HS6ST3: variants seen among roughly 807,000 people sequenced by gnomAD.
HS6ST3 encodes heparan sulfate 6-O-sulfotransferase 3.
A neutral mutation model predicts 36.7 loss-of-function variants in HS6ST3; 12 were observed. The observed-to-expected ratio is 0.33, with a 90% CI of 0.21 to 0.53. The LOEUF is 0.53. Ranked by LOEUF, HS6ST3 falls within the 20% of genes least tolerant of loss-of-function variation. The probability of loss-of-function intolerance (pLI) is 0.95; values close to 1 mark genes in which losing one functional copy is unlikely to be tolerated. For missense variants in HS6ST3, 584 were observed against 640.9 expected (o/e 0.91, Z 0.96); for synonymous variants, 240 against 257.5 (o/e 0.93, Z 0.65).
intron 1 of HS6ST3, among the ~76,000 whole-genome samples, chr13:96,553,576 G>A (rs3899871): frequency 0.086 from 13,115 of 152,198 alleles, 1,041 homozygotes; most frequent in African/African-American, 0.21. Flanking sequence ...GAAAGAGCAG[G>A]TGTAGAGATA....
chr13:96,103,658 G>A (rs1324965885), intron 1 of HS6ST3, among the ~76,000 whole-genome samples: 3 of 152,058 alleles, frequency 2.0e-5, no homozygotes, highest in South Asian at 2.1e-4. Flanking sequence ...TTATATTGAC[G>A]TAAGAAGGCT....
intron 1 of HS6ST3, among the ~76,000 whole-genome samples, chr13:96,798,635 G>T (rs180844146): frequency 1.3e-5 from 2 of 152,060 alleles, no homozygotes; most frequent in African/African-American, 4.8e-5. Flanking sequence ...ATTTCTCTGC[G>T]CCTCAATGTC....
intron 1 of HS6ST3, among the ~76,000 whole-genome samples, chr13:96,360,869 T>A (rs1249959824): frequency 2.7e-5 from 4 of 150,040 alleles, no homozygotes; most frequent in African/African-American, 9.9e-5. Context: ...TACATTGAAC[T>A]TGGGAGGCGG....
rs562474101 is a variant in HS6ST3 at position 96,106,198 on chromosome 13, G to A, written c.707+14629G>A. Among the ~76,000 whole-genome samples, 15 of 152,356 alleles carry A rather than the reference G, an allele frequency of 9.8e-5. No homozygotes were observed. In the South Asian group the frequency reaches 2.9e-3, roughly 29 times the overall value. Reference sequence around the variant, plus strand: ...TCTCTGATACTCTTTCCTTGAAGATGTGAAGCTTAATGCATCCCTTCATGC... The same window carrying A: ...TCTCTGATACTCTTTCCTTGAAGATATGAAGCTTAATGCATCCCTTCATGC... On this transcript the variant is annotated intron_variant, in intron 1 of 1. Coordinates refer to ENST00000376705, the MANE Select transcript of HS6ST3 (RefSeq NM_153456.4).
chr13:96,268,871 T>C (rs1280266554), intron 1 of HS6ST3, among the ~76,000 whole-genome samples: 1 of 151,842 alleles, frequency 6.6e-6, no homozygotes, highest in African/African-American at 2.4e-5. Context: ...ATGAATCACA[T>C]TCCTTCAAAT....
chr13:96,657,826 A>G lies in HS6ST3; in HGVS notation c.708-174664A>G, dbSNP rs143755895. On this transcript the variant is annotated intron_variant, in intron 1 of 1. Coordinates refer to ENST00000376705, the MANE Select transcript of HS6ST3 (RefSeq NM_153456.4). ...CAGTGGAAATTCAGTGTTTGAAATTACCACCCAGGCAATGTGAAGAACAAG... is the reference window on the plus strand; with the variant it reads ...CAGTGGAAATTCAGTGTTTGAAATTGCCACCCAGGCAATGTGAAGAACAAG... Among the ~76,000 whole-genome samples the G allele has an allele frequency of 6.6e-5, 10 of 152,276 alleles. No individual in the cohort carries two copies. The East Asian group carries it at 1.9e-3, about 29-fold the overall frequency.
chr13:96,481,370 G>GA (rs2055889375), intron 1 of HS6ST3, among the ~76,000 whole-genome samples: 1 of 152,194 alleles, frequency 6.6e-6, no homozygotes, highest in Non-Finnish European at 1.5e-5. Flanking sequence ...AGTGAAGAGG[G>GA]AAGCAGTGTG....
intron 1 of HS6ST3, among the ~76,000 whole-genome samples, chr13:96,491,682 A>G (rs994303102): frequency 5.3e-5 from 8 of 151,994 alleles, no homozygotes; most frequent in Non-Finnish European, 8.8e-5. Context: ...GATAAGTTAT[A>G]CCTTAGCTAT....
At chr13:96,462,382 A>C (rs2055789066) in intron 1 of HS6ST3, among the ~76,000 whole-genome samples, 1 of 152,202 alleles carries the variant, frequency 6.6e-6, no homozygotes, top group Admixed American at 6.5e-5. Flanking sequence ...AAAAACTTTT[A>C]ATAGAATGAC....
intron 1 of HS6ST3, among the ~76,000 whole-genome samples, chr13:96,423,611 G>A (rs984187477): frequency 2.6e-5 from 4 of 151,642 alleles, no homozygotes; most frequent in South Asian, 2.1e-4. Flanking sequence ...GCAGAAGGAA[G>A]AGTAGGTGCA....
chr13:96,780,358 AAG>A (rs1181181452), intron 1 of HS6ST3, among the ~76,000 whole-genome samples: 6 of 152,192 alleles, frequency 3.9e-5, no homozygotes, highest in African/African-American at 1.4e-4. Flanking sequence ...GTCTTATAAA[AAG>A]AGATAAATAG....
intron 1 of HS6ST3, among the ~76,000 whole-genome samples, chr13:96,545,071 G>A (rs2056192728): frequency 6.6e-6 from 1 of 152,076 alleles, no homozygotes; most frequent in African/African-American, 2.4e-5. Flanking sequence ...AGAAATATGT[G>A]AGAACATAGC....
chr13:96,460,702 A>G (rs2055779861), intron 1 of HS6ST3, among the ~76,000 whole-genome samples: 1 of 152,212 alleles, frequency 6.6e-6, no homozygotes, highest in African/African-American at 2.4e-5. Context: ...CCATTACTTC[A>G]GATAACAGAG....
chr13:96,828,014 G>A (rs574293763), intron 1 of HS6ST3, among the ~76,000 whole-genome samples: 151 of 152,238 alleles, frequency 9.9e-4, no homozygotes, highest in African/African-American at 3.5e-3. Context: ...ACTTCCTCTT[G>A]GAGCCCAGAA....
Position 96,695,433 on chromosome 13 carries a change from C to T in HS6ST3, c.708-137057C>T, listed in dbSNP as rs529894377. ...ATATAACGAAAGATTTTAGAAAGTA[C>T]TTACCCTTTTTATTGTTTTTGTCTC... On this transcript the variant is annotated intron_variant, in intron 1 of 1. Coordinates refer to ENST00000376705, the MANE Select transcript of HS6ST3 (RefSeq NM_153456.4). 2.0e-5 allele frequency among the ~76,000 whole-genome samples: 3 copies of T among 152,138 alleles called. No homozygotes were observed. The South Asian group carries it at 6.2e-4, about 32-fold the overall frequency.
At chr13:96,583,742 A>G (rs2056350776) in intron 1 of HS6ST3, among the ~76,000 whole-genome samples, 1 of 152,124 alleles carries the variant, frequency 6.6e-6, no homozygotes, top group Non-Finnish European at 1.5e-5. Flanking sequence ...GATTTTGTTC[A>G]TACGGCTCTT....
intron 1 of HS6ST3, among the ~76,000 whole-genome samples, chr13:96,808,150 G>A (rs773904248): frequency 1.3e-5 from 2 of 152,196 alleles, no homozygotes; most frequent in Non-Finnish European, 2.9e-5. Context: ...AGGAGCCTTG[G>A]TCGGAAAAAC....
intron 1 of HS6ST3, among the ~76,000 whole-genome samples, chr13:96,104,528 A>T (rs2053832165): frequency 6.6e-6 from 1 of 152,242 alleles, no homozygotes. Context: ...TCCTAGAGTT[A>T]GTAAATGACT....
At chr13:96,801,709 G>T (rs956012275) in intron 1 of HS6ST3, among the ~76,000 whole-genome samples, 1 of 152,116 alleles carries the variant, frequency 6.6e-6, no homozygotes, top group Admixed American at 6.6e-5. Flanking sequence ...CCATCTCCAC[G>T]CCTGTCCCTC....
Sources: allele counts gnomAD v4.1 joint callset (sites outside exome capture counted in the v4.1 genomes callset), GRCh38; gene constraint gnomAD v4.1.1; transcripts MANE v1.5; gene names NCBI Gene and HGNC (gene_info 2026-07-23, HGNC 2026-07-21).